Variants in ELAPOR2 observed in about 807,000 individuals in gnomAD.
ELAPOR2 encodes endosome-lysosome associated apoptosis and autophagy regulator family member 2.
In ELAPOR2, 89 loss-of-function variants were observed where a neutral mutation model predicts 120.7. That is an observed-to-expected ratio of 0.74 (90% CI 0.62 to 0.88). The LOEUF (loss-of-function observed/expected upper bound fraction) is 0.88, where lower values mean the gene tolerates loss of function less well. Among genes scored for constraint, ELAPOR2 ranks in the 40% least tolerant of loss-of-function variants. The pLI, the probability that ELAPOR2 is intolerant of heterozygous loss-of-function variation, is 0.00. For synonymous variants in ELAPOR2, 444 were observed against 444.9 expected, an observed-to-expected ratio of 1.00 and a Z score of 0.03; for missense variants, 1,134 against 1,251.6, an observed-to-expected ratio of 0.91 and a Z score of 1.42.
intron 5 of ELAPOR2, chr7:86,941,478 G>A (rs1234690595): frequency 6.4e-6 from 3 of 467,740 alleles, no homozygotes; most frequent in Non-Finnish European, 9.1e-6. Flanking sequence ...GCAGGTTGAG[G>A]CTCCAAAGAG....
chr7:86,969,836 T>C (rs1792045595), intron 1 of ELAPOR2, among the ~76,000 whole-genome samples: 1 of 152,190 alleles, frequency 6.6e-6, no homozygotes, highest in Non-Finnish European at 1.5e-5. Context: ...TTTATTATGA[T>C]TTCAAAGTCA....
chr7:86,901,472 T>A (rs147773650), intron 18 of ELAPOR2, among the ~76,000 whole-genome samples: 1 of 152,254 alleles, frequency 6.6e-6, no homozygotes, highest in African/African-American at 2.4e-5. Context: ...TGGAGAAGAA[T>A]CTTTTCTTAT....
At chr7:87,040,151 A>G (rs1417271363) in intron 1 of ELAPOR2, among the ~76,000 whole-genome samples, 2 of 152,196 alleles carry the variant, frequency 1.3e-5, no homozygotes, top group Non-Finnish European at 2.9e-5. Context: ...TTGCTAGCAC[A>G]GCAGTCTGAG....
At chr7:87,033,180 A>T (rs1794474124) in intron 1 of ELAPOR2, among the ~76,000 whole-genome samples, 2 of 152,208 alleles carry the variant, frequency 1.3e-5, no homozygotes, top group African/African-American at 4.8e-5. Context: ...AATCTATCCC[A>T]GCTTTATGGC....
rs1207509711 is a variant in ELAPOR2 at position 86,913,197 on chromosome 7, C to T, written c.1739G>A (p.Arg580Gln). Reference protein sequence around the residue: ...QRTNQGQDNRRFINDMVKIYS... With the variant: ...QRTNQGQDNRQFINDMVKIYS... ...AATCTTCACCATGTCATTGATGAAC[C>T]GTCTATTCTAAAAAAAAGAGCATAA... Residue 580 changes from arginine (R) to glutamine (Q), a missense_variant, in exon 14 of 22, where the codon CGG (arginine) becomes CAG (glutamine). By Grantham distance (43) the Arg-to-Gln change is conservative. Around this residue, in one of 3 missense-constraint regions of ELAPOR2, gnomAD observed 831 missense variants for 867.6 expected, o/e 0.96. Coordinates refer to ENST00000450689, the MANE Select transcript of ELAPOR2 (RefSeq NM_001142749.3). 2.4e-5 allele frequency: 39 copies of T among 1,612,478 alleles called. No homozygotes were observed. The highest frequency in any genetic ancestry group is 5.3e-5 in the African/African-American group (4 of 74,854).
intron 18 of ELAPOR2, among the ~76,000 whole-genome samples, chr7:86,903,591 T>C (rs1205180035): frequency 3.3e-5 from 5 of 152,200 alleles, no homozygotes; most frequent in East Asian, 1.9e-4. Context: ...ATAGATCTGA[T>C]GAATTTGATA....
chr7:87,056,671 T>C (rs920334348), intron 1 of ELAPOR2, among the ~76,000 whole-genome samples: 1 of 152,198 alleles, frequency 6.6e-6, no homozygotes, highest in African/African-American at 2.4e-5. Flanking sequence ...CAGAGTCCAT[T>C]CCTCTGCAAA....
chr7:87,048,399 C>T (rs757966088), intron 1 of ELAPOR2, among the ~76,000 whole-genome samples: 7 of 152,100 alleles, frequency 4.6e-5, no homozygotes, highest in Admixed American at 2.0e-4. Context: ...ACACATCACA[C>T]GTTCTCATTT....
At chr7:87,048,269 A>G (rs1186471867) in intron 1 of ELAPOR2, among the ~76,000 whole-genome samples, 1 of 151,994 alleles carries the variant, frequency 6.6e-6, no homozygotes, top group African/African-American at 2.4e-5. Context: ...AAAATGTGGT[A>G]TGTATACCCA....
At chr7:86,984,540 A>G (rs1224194774) in intron 1 of ELAPOR2, among the ~76,000 whole-genome samples, 1 of 152,200 alleles carries the variant, frequency 6.6e-6, no homozygotes, top group Non-Finnish European at 1.5e-5. Context: ...CTTACTCAAA[A>G]CCACACAACT....
intron 5 of ELAPOR2, among the ~76,000 whole-genome samples, chr7:86,940,740 T>A (rs181102164): frequency 8.3e-4 from 127 of 152,192 alleles, no homozygotes; most frequent in Admixed American, 1.6e-3. Flanking sequence ...GTAAGTGAAC[T>A]AATTTTAAGA....
At chr7:86,904,072 C>A (rs557096214) in intron 18 of ELAPOR2, among the ~76,000 whole-genome samples, 2 of 152,130 alleles carry the variant, frequency 1.3e-5, no homozygotes, top group Admixed American at 1.3e-4. Flanking sequence ...ATTATTCCAT[C>A]GTGACTATGC....
intron 1 of ELAPOR2, among the ~76,000 whole-genome samples, chr7:87,017,044 A>C (rs2116686281): frequency 6.6e-6 from 1 of 152,334 alleles, no homozygotes; most frequent in African/African-American, 2.4e-5. Flanking sequence ...GAGGAAGATG[A>C]ATTATCACAG....
chr7:86,983,952 C>T (rs1318741125), intron 1 of ELAPOR2, among the ~76,000 whole-genome samples: 1 of 152,142 alleles, frequency 6.6e-6, no homozygotes, highest in Non-Finnish European at 1.5e-5. Flanking sequence ...ATCTCATGTG[C>T]AGAGACACAC....
chr7:86,967,867 A>C (rs1184061356), intron 1 of ELAPOR2, among the ~76,000 whole-genome samples: 2 of 152,230 alleles, frequency 1.3e-5, no homozygotes, highest in East Asian at 1.9e-4. Flanking sequence ...AGGAAGCTTT[A>C]ATTTATTTCT....
chr7:86,965,314 T>G (rs1170640841), intron 1 of ELAPOR2, among the ~76,000 whole-genome samples: 1 of 152,286 alleles, frequency 6.6e-6, no homozygotes, highest in Non-Finnish European at 1.5e-5. Context: ...CCCTATCTCT[T>G]GCAGGCTTTT....
chr7:86,980,153 A>T (rs139721072), intron 1 of ELAPOR2, among the ~76,000 whole-genome samples: 1 of 152,324 alleles, frequency 6.6e-6, no homozygotes, highest in Admixed American at 6.5e-5. Flanking sequence ...ACAGAGTGGC[A>T]ATTTCTCTCA....
intron 6 of ELAPOR2, 91 bp from the exon 7 acceptor site, chr7:86,939,051 G>T: frequency 7.1e-7 from 1 of 1,414,050 alleles, no homozygotes; most frequent in Non-Finnish European, 9.8e-7. Context: ...AGAAGTGAGG[G>T]AGATATATGA....
At chr7:86,974,363 C>A (rs929902916) in intron 1 of ELAPOR2, among the ~76,000 whole-genome samples, 1 of 151,974 alleles carries the variant, frequency 6.6e-6, no homozygotes, top group Non-Finnish European at 1.5e-5. Flanking sequence ...TCCAAGGAAG[C>A]CATGTTTGTA....
Sources: allele counts gnomAD v4.1 joint callset (sites outside exome capture counted in the v4.1 genomes callset), GRCh38; gene constraint gnomAD v4.1.1; regional missense constraint gnomAD v4.1.1; transcripts MANE v1.5; gene names NCBI Gene and HGNC (gene_info 2026-07-23, HGNC 2026-07-21).